KRT33B: variants seen among roughly 807,000 people sequenced by gnomAD.
KRT33B encodes keratin 33B.
In KRT33B, 37 loss-of-function variants were observed where a neutral mutation model predicts 42.7. The ratio of observed to expected loss-of-function variants is 0.87; its 90% CI spans 0.67 to 1.14. The LOEUF is 1.14. Among genes scored for constraint, KRT33B ranks in the 50% most tolerant of loss-of-function variants. KRT33B has a pLI of 0.00. For missense variants in KRT33B, 523 were observed against 515.1 expected, an observed-to-expected ratio of 1.02 and a Z score of -0.15; for synonymous variants, 237 against 221.2, an observed-to-expected ratio of 1.07 and a Z score of -0.63.
chr17:41,364,999 G>T lies in KRT33B; in HGVS notation c.877C>A (p.Arg293=). Residue 293 remains arginine, a splice_region_variant and synonymous_variant, in exon 6 of 7, where the codon CGA becomes AGA. Transcript: ENST00000251646. ...EIELQAQHNL[R]YSLENTLTES... ...GTCAGCGTGTTTTCCAGAGAGTATCGCTGTGGTGGGAAAGATCAGGAATGT... is the reference window on the plus strand; with the variant it reads ...GTCAGCGTGTTTTCCAGAGAGTATCTCTGTGGTGGGAAAGATCAGGAATGT... The T allele has an allele frequency of 1.2e-6, 2 of 1,613,246 alleles. No homozygotes were observed. Among genetic ancestry groups the T allele is most frequent in the Non-Finnish European group, 1.7e-6 (2 of 1,180,014 alleles).
intron 1 of KRT33B, 108 bp downstream of exon 1, chr17:41,369,295 T>A: frequency 7.0e-7 from 1 of 1,425,378 alleles, no homozygotes. Context: ...TCTATGTCTT[T>A]ATCATTCTCA....
chr17:41,364,439 T>C (rs2017667415), intron 6 of KRT33B, among the ~76,000 whole-genome samples: 1 of 151,394 alleles, frequency 6.6e-6, no homozygotes, highest in African/African-American at 2.5e-5. Flanking sequence ...GATTTGAAAG[T>C]TCTGTTTAAA....
rs1194001607 is a variant in KRT33B, at chr17:41,363,690, C to T, written c.*146G>A. ...CCCTAGGCTCAGAGTCAGACCCAAA[C>T]GCTGGGCATTTGTTCTCCTTCCAGA... On this transcript the variant is annotated 3_prime_UTR_variant, in exon 7 of 7. Transcript: ENST00000251646. 3.5e-5 allele frequency: 21 copies of T among 595,400 alleles called. No individual in the cohort carries two copies. The highest frequency in any genetic ancestry group is 1.5e-4 in the South Asian group (6 of 40,718). The allele number at this position is 595,400 out of a possible 1,614,324, so 36.9% of individuals were successfully genotyped here.
intron 2 of KRT33B, 32 bp from the exon 3 acceptor site, chr17:41,366,658 CAAA>C: frequency 8.6e-7 from 1 of 1,157,760 alleles, no homozygotes; most frequent in South Asian, 1.7e-5. Context: ...AAAAGAGGTC[CAAA>C]AAAAAAAAGT....
chr17:41,368,718 C>A (rs1043748566), intron 1 of KRT33B, among the ~76,000 whole-genome samples: 2 of 151,314 alleles, frequency 1.3e-5, no homozygotes, highest in Admixed American at 1.3e-4. Context: ...GCAGTCAATT[C>A]CCTCCCAGAA....
intron 6 of KRT33B, 147 bp from the exon 7 acceptor site, chr17:41,364,100 T>G (rs1376635995): frequency 5.1e-6 from 3 of 587,790 alleles, no homozygotes; most frequent in Non-Finnish European, 9.0e-6. Context: ...TTCTACAGAG[T>G]TCTGATACAG....
Position 41,369,493 on chromosome 17 carries a change from G to T in KRT33B, c.258C>A (p.Asn86Lys), listed in dbSNP as rs191592660. 32 of 1,613,890 alleles carry T rather than the reference G, an allele frequency of 2.0e-5. No individual in the cohort carries two copies. The East Asian group carries it at 2.2e-4, about 11-fold the overall frequency. ...GCTGCTGAGACCGCTCCCGGATGAG[G>T]TTCTCCAGCTCCGCGTTGTCCCGCT... ...QLERDNAELE[N>K]LIRERSQQQE... The change falls in exon 1 of 7, where the codon AAC becomes AAA. Residue 86 changes from asparagine to lysine, a missense_variant. Asn to Lys is a moderately conservative substitution (Grantham distance 94, BLOSUM62 0). Transcript: ENST00000251646.
rs150322308 is a variant in KRT33B at position 41,364,969 on chromosome 17, T to C, written c.907A>G (p.Ser303Gly). Residue 303 changes from serine (S) to glycine (G), a missense_variant, in exon 6 of 7, where the codon AGC becomes GGC. By Grantham distance (56) the Ser-to-Gly change is moderately conservative. Coordinates refer to ENST00000251646, the MANE Select transcript of KRT33B (RefSeq NM_002279.5). ...RYSLENTLTE[S>G]EARYSSQLSQ... ...AGCTGGGAGCTGTAGCGGGCCTCGCTCTCTGTCAGCGTGTTTTCCAGAGAG... is the reference window on the plus strand; with the variant it reads ...AGCTGGGAGCTGTAGCGGGCCTCGCCCTCTGTCAGCGTGTTTTCCAGAGAG... The C allele has an allele frequency of 2.8e-5, 45 of 1,613,342 alleles. 1 individual carries two copies. The African/African-American group carries it at 5.9e-4, about 21-fold the overall frequency.
In KRT33B at chr17:41,366,467, T is replaced by C. The variant is rs1420713261; in HGVS notation, c.588+3A>G. The C allele has an allele frequency of 6.2e-7, 1 of 1,612,074 alleles. No individual in the cohort carries two copies. Among genetic ancestry groups the C allele is most frequent in the Non-Finnish European group, 8.5e-7 (1 of 1,180,010 alleles). Reference sequence around the variant, plus strand: ...TTGGGATATTGGGGGCTGGGACTCTTACCTGCTCATGGTTCTGCTTGAGGG... The same window carrying C: ...TTGGGATATTGGGGGCTGGGACTCTCACCTGCTCATGGTTCTGCTTGAGGG... On this transcript the variant is annotated splice_donor_region_variant and intron_variant, in intron 3 of 6. Transcript: ENST00000251646.
intron 2 of KRT33B, 78 bp from the exon 3 acceptor site, chr17:41,366,704 G>T: frequency 7.3e-7 from 1 of 1,373,594 alleles, no homozygotes; most frequent in Non-Finnish European, 9.9e-7. Flanking sequence ...GGCTGACTTA[G>T]TCAATTTTAT....
chr17:41,364,989 A>T lies in KRT33B; in HGVS notation c.887T>A (p.Leu296Gln), dbSNP rs1306762704. Residue 296 changes from leucine (L) to glutamine (Q), a missense_variant, in exon 6 of 7, where the codon CTG (leucine) becomes CAG (glutamine). Coordinates refer to ENST00000251646, the MANE Select transcript of KRT33B (RefSeq NM_002279.5). ...LQAQHNLRYS[L>Q]ENTLTESEAR... ...CTCGCTCTCTGTCAGCGTGTTTTCCAGAGAGTATCGCTGTGGTGGGAAAGA... is the reference window on the plus strand; with the variant it reads ...CTCGCTCTCTGTCAGCGTGTTTTCCTGAGAGTATCGCTGTGGTGGGAAAGA... 1 of 1,613,106 alleles carries T rather than the reference A, an allele frequency of 6.2e-7. No homozygotes were observed.
intron 2 of KRT33B, among the ~76,000 whole-genome samples, chr17:41,367,206 G>A (rs2017711652): frequency 6.6e-6 from 1 of 151,360 alleles, no homozygotes; most frequent in Non-Finnish European, 1.5e-5. Flanking sequence ...TCTCATGATT[G>A]TAATAATGGT....
chr17:41,369,669 C>T lies in KRT33B; in HGVS notation c.82G>A (p.Gly28Ser), dbSNP rs762971720. The T allele has an allele frequency of 2.5e-5, 41 of 1,613,770 alleles. No individual in the cohort carries two copies. The highest frequency in any genetic ancestry group is 1.1e-4 in the African/African-American group (8 of 74,922). The change falls in exon 1 of 7, where the codon GGC becomes AGC. Residue 28 changes from glycine (G) to serine (S), a missense_variant. Gly to Ser is a moderately conservative substitution (Grantham distance 56, BLOSUM62 0). Transcript: ENST00000251646. The stretch of plus-strand genomic sequence containing the variant: ...TTGCAGGCCCCGGGCAGGGTGTAGC[C>T]GTGGCAGCTGGGGGGCACACAGGGC... The part of the protein sequence containing the change: ...SRPCVPPSCH[G>S]YTLPGACNIP...
In KRT33B at chr17:41,365,543, G is replaced by C; in HGVS notation, c.599C>G (p.Thr200Ser). The C allele has an allele frequency of 6.2e-7, 1 of 1,610,528 alleles. No homozygotes were observed. Among genetic ancestry groups the C allele is most frequent in the Non-Finnish European group, 8.5e-7 (1 of 1,179,474 alleles). Residue 200 changes from threonine (T) to serine (S), a missense_variant, in exon 4 of 7, where the codon ACC (threonine) becomes AGC (serine). Coordinates refer to ENST00000251646, the MANE Select transcript of KRT33B (RefSeq NM_002279.5). Reference protein sequence around the residue: ...LKQNHEQEVNTLRCQLGDRLN... With the variant: ...LKQNHEQEVNSLRCQLGDRLN... Reference sequence around the variant, plus strand: ...GCGGTCTCCAAGCTGGCAGCGCAAGGTGTTGACTTCCTAATGGAGAAAAGG... The same window carrying C: ...GCGGTCTCCAAGCTGGCAGCGCAAGCTGTTGACTTCCTAATGGAGAAAAGG...
In KRT33B at chr17:41,366,402, C is replaced by T. The variant is rs753144469; in HGVS notation, c.588+68G>A. 467 of 1,572,904 alleles carry T rather than the reference C, an allele frequency of 3.0e-4. 2 individuals carry two copies. Among genetic ancestry groups the T allele is most frequent in the Non-Finnish European group, 3.9e-4 (449 of 1,161,228 alleles). ...CCTAGGGTGCTTAGCAAATCAAATC[C>T]TACCTTATCCTATTCAGGGGGATCA... is the stretch of plus-strand genomic sequence containing the variant. On this transcript the variant is annotated intron_variant, in intron 3 of 6. Transcript: ENST00000251646.
rs2017750801 is a variant in KRT33B, at chr17:41,369,620, C to A, written c.131G>T (p.Cys44Phe). Residue 44 changes from cysteine (C) to phenylalanine (F), a missense_variant, in exon 1 of 7, where the codon TGC (cysteine) becomes TTC (phenylalanine). By Grantham distance (205) the Cys-to-Phe change is radical (BLOSUM62 -2). Transcript: ENST00000251646. ...GAAGGAGCCCTCGCAGAACCAGTTGCAGTTGCTCACATTGGCAGGGATGTT... is the reference window on the plus strand; with the variant it reads ...GAAGGAGCCCTCGCAGAACCAGTTGAAGTTGCTCACATTGGCAGGGATGTT... Reference protein sequence around the residue: ...ACNIPANVSNCNWFCEGSFNG... With the variant: ...ACNIPANVSNFNWFCEGSFNG... The A allele has an allele frequency of 1.2e-6, 2 of 1,613,522 alleles. No homozygotes were observed. The highest frequency in any genetic ancestry group is 8.5e-7 in the Non-Finnish European group (1 of 1,180,048).
At chr17:41,369,265 GTC>G in intron 1 of KRT33B, 136 bp downstream of exon 1, 2 of 1,263,304 alleles carry the variant, frequency 1.6e-6, no homozygotes, top group Non-Finnish European at 2.2e-6. Flanking sequence ...ACTACTTGAT[GTC>G]ATACCTAAGC....
In KRT33B at chr17:41,365,509, C is replaced by T; in HGVS notation, c.633G>A (p.Val211=). The T allele has an allele frequency of 6.2e-7, 1 of 1,612,512 alleles. No individual in the cohort carries two copies. Among genetic ancestry groups the T allele is most frequent in the Non-Finnish European group, 8.5e-7 (1 of 1,179,928 alleles). Residue 211 remains valine, a synonymous_variant, in exon 4 of 7, where the codon GTG becomes GTA. Transcript: ENST00000251646. The part of the protein sequence containing the change: ...LRCQLGDRLN[V]EVDAAPAVDL... ...CCACAGCGGGAGCAGCGTCCACCTC[C>T]ACGTTGAGGCGGTCTCCAAGCTGGC... is the stretch of plus-strand genomic sequence containing the variant.
chr17:41,363,918 C>T lies in KRT33B; in HGVS notation c.1133G>A (p.Cys378Tyr), dbSNP rs1284294523. 1 of 1,611,634 alleles carries T rather than the reference C, an allele frequency of 6.2e-7. No individual in the cohort carries two copies. The highest frequency in any genetic ancestry group is 8.5e-7 in the Non-Finnish European group (1 of 1,179,458). ...GACACAGGATCCAATGGGCTTTTCA[C>T]ATGCATTGGTGGTGGCGCAGGGGTT... is the stretch of plus-strand genomic sequence containing the variant. ...PSNPCATTNA[C>Y]EKPIGSCVTN... Residue 378 changes from cysteine to tyrosine, a missense_variant, in exon 7 of 7, where the codon TGT (cysteine) becomes TAT (tyrosine). Transcript: ENST00000251646.
Sources: allele counts gnomAD v4.1 joint callset (sites outside exome capture counted in the v4.1 genomes callset), GRCh38; gene constraint gnomAD v4.1.1; transcripts MANE v1.5; gene names NCBI Gene and HGNC (gene_info 2026-07-23, HGNC 2026-07-21).